The following JARID2 variants were observed in gnomAD, a reference collection of about 807,000 sequenced individuals.
The protein encoded by JARID2 is protein Jumonji.
Under a neutral mutation model 125.6 loss-of-function variants are expected in JARID2, and 21 were observed. The observed-to-expected ratio is 0.17, with a 90% CI of 0.12 to 0.24. JARID2 has a LOEUF of 0.24. Ranked by LOEUF, JARID2 falls within the 10% of genes least tolerant of loss-of-function variation. The probability of loss-of-function intolerance (pLI) is 1.00; values close to 1 mark genes in which losing one functional copy is unlikely to be tolerated. For synonymous variants in JARID2, 736 were observed against 661.6 expected, an observed-to-expected ratio of 1.11 and a Z score of -1.73; for missense variants, 1,303 against 1,639.6, an observed-to-expected ratio of 0.79 and a Z score of 3.55.
intron 4 of JARID2, among the ~76,000 whole-genome samples, chr6:15,453,365 G>A (rs578214744): frequency 8.5e-5 from 13 of 152,190 alleles, no homozygotes; most frequent in Non-Finnish European, 1.8e-4. Context: ...CCCTTAATTT[G>A]GGTGCCTGGT....
chr6:15,414,711 T>A (rs1250781925), intron 3 of JARID2, among the ~76,000 whole-genome samples: 1 of 152,204 alleles, frequency 6.6e-6, no homozygotes, highest in African/African-American at 2.4e-5. Flanking sequence ...GTCTTGTTTT[T>A]AGTTCTAGAT....
At chr6:15,370,911 C>T (rs573805501) in intron 1 of JARID2, among the ~76,000 whole-genome samples, 2 of 152,306 alleles carry the variant, frequency 1.3e-5, no homozygotes, top group South Asian at 4.1e-4. Flanking sequence ...TGGTCTATCT[C>T]TTGTGAACAG....
chr6:15,283,632 G>A (rs889294242), intron 1 of JARID2, among the ~76,000 whole-genome samples: 4 of 151,520 alleles, frequency 2.6e-5, no homozygotes, highest in South Asian at 2.1e-4. Context: ...GTGAGCCACC[G>A]TGCCCGGCCA....
chr6:15,427,349 G>A (rs1351553222), intron 3 of JARID2, among the ~76,000 whole-genome samples: 5 of 152,122 alleles, frequency 3.3e-5, no homozygotes, highest in Non-Finnish European at 7.4e-5. Flanking sequence ...CAGGCTCCTG[G>A]CAAACATACT....
chr6:15,359,747 G>A (rs1260441942), intron 1 of JARID2, among the ~76,000 whole-genome samples: 1 of 151,614 alleles, frequency 6.6e-6, no homozygotes, highest in African/African-American at 2.4e-5. Flanking sequence ...GAGTCTCCCA[G>A]GCTGGATTGC....
chr6:15,352,080 TGTCC>T (rs766602459), intron 1 of JARID2, among the ~76,000 whole-genome samples: 1 of 152,216 alleles, frequency 6.6e-6, no homozygotes, highest in Non-Finnish European at 1.5e-5. Flanking sequence ...CCCTCTTTTC[TGTCC>T]GACGTAAGGG....
In JARID2 at chr6:15,508,463, T is replaced by C. The variant is rs1356259422; in HGVS notation, c.2846+9T>C. ...GGTGCTGACTGCATTTGGTGAGTAC[T>C]GGCCCCAGGCGGGAAGGGAGGGACT... On this transcript the variant is annotated intron_variant, in intron 12 of 17. Transcript: ENST00000341776. The C allele has an allele frequency of 6.9e-7, 1 of 1,439,782 alleles. No individual in the cohort carries two copies. The highest frequency in any genetic ancestry group is 9.8e-7 in the Non-Finnish European group (1 of 1,020,936). The allele number at this position is 1,439,782 out of a possible 1,614,324, so 89.2% of individuals were successfully genotyped here.
chr6:15,378,604 A>G (rs1764460503), intron 2 of JARID2, among the ~76,000 whole-genome samples: 1 of 152,212 alleles, frequency 6.6e-6, no homozygotes, highest in Non-Finnish European at 1.5e-5. Context: ...AATTCACAGT[A>G]GCAGAATTGG....
intron 1 of JARID2, among the ~76,000 whole-genome samples, chr6:15,302,271 T>G (rs555612057): frequency 2.2e-4 from 34 of 152,052 alleles, no homozygotes; most frequent in African/African-American, 8.2e-4. Flanking sequence ...CAAAAATTAG[T>G]TGGGCGTGGT....
intron 1 of JARID2, among the ~76,000 whole-genome samples, chr6:15,313,914 C>T (rs181766304): frequency 1.3e-4 from 20 of 152,224 alleles, no homozygotes; most frequent in Non-Finnish European, 2.2e-4. Context: ...CTGTGTCTCC[C>T]CAAATATCCT....
intron 2 of JARID2, among the ~76,000 whole-genome samples, chr6:15,378,808 T>C (rs778025736): frequency 2.6e-5 from 4 of 152,158 alleles, no homozygotes; most frequent in Non-Finnish European, 4.4e-5. Context: ...CTGGGAAAAA[T>C]CATTTGTTTT....
intron 1 of JARID2, among the ~76,000 whole-genome samples, chr6:15,363,674 TTGTG>T (rs890239188): frequency 1.3e-5 from 2 of 152,206 alleles, no homozygotes; most frequent in African/African-American, 4.8e-5. Flanking sequence ...TTAAAAATGT[TTGTG>T]TGATAAGTAT....
chr6:15,445,656 T>G (rs771613677), intron 3 of JARID2, among the ~76,000 whole-genome samples: 32 of 152,194 alleles, frequency 2.1e-4, no homozygotes, highest in Non-Finnish European at 4.4e-4. Context: ...AGCCGCCTCT[T>G]GGGCCCAGCG....
chr6:15,415,743 G>A (rs1175465476), intron 3 of JARID2, among the ~76,000 whole-genome samples: 2 of 141,458 alleles, frequency 1.4e-5, no homozygotes, highest in African/African-American at 2.7e-5. Flanking sequence ...AGGCGGAGGG[G>A]CTCCTCGCTT....
intron 4 of JARID2, among the ~76,000 whole-genome samples, chr6:15,454,886 A>G (rs1477808460): frequency 6.6e-6 from 1 of 152,158 alleles, no homozygotes; most frequent in African/African-American, 2.4e-5. Context: ...CTTGTGCTGG[A>G]TTGGCTGTAT....
chr6:15,439,997 G>A (rs1033474203), intron 3 of JARID2, among the ~76,000 whole-genome samples: 6 of 152,206 alleles, frequency 3.9e-5, no homozygotes, highest in East Asian at 3.8e-4. Context: ...TGTTGGTTCC[G>A]TGCCTGAAAC....
intron 8 of JARID2, among the ~76,000 whole-genome samples, chr6:15,503,999 C>G (rs1341680553): frequency 6.6e-6 from 1 of 152,226 alleles, no homozygotes; most frequent in Non-Finnish European, 1.5e-5. Context: ...GCTGCCCTGG[C>G]AGGTGTTAAT....
In JARID2 at chr6:15,316,314, G is replaced by A. The variant is rs963291724; in HGVS notation, c.46-57803G>A. Among the ~76,000 whole-genome samples, 4 of 152,140 alleles carry A rather than the reference G, an allele frequency of 2.6e-5. No individual in the cohort carries two copies. In the Middle Eastern group the frequency reaches 0.014, roughly 517 times the overall value. ...GTTTTTGAACTCCTGAACTCAAGTG[G>A]TCTGTCCACCTCGGCCACCCAAAGT... On this transcript the variant is annotated intron_variant, in intron 1 of 17. Coordinates refer to ENST00000341776, the MANE Select transcript of JARID2 (RefSeq NM_004973.4).
intron 1 of JARID2, among the ~76,000 whole-genome samples, chr6:15,270,157 A>G (rs1038206254): frequency 6.6e-6 from 1 of 151,728 alleles, no homozygotes; most frequent in Admixed American, 6.6e-5. Context: ...TCTTTGATGG[A>G]CTTTCACTCA....
Sources: allele counts gnomAD v4.1 joint callset (sites outside exome capture counted in the v4.1 genomes callset), GRCh38; gene constraint gnomAD v4.1.1; transcripts MANE v1.5; gene names NCBI Gene and HGNC (gene_info 2026-07-23, HGNC 2026-07-21).